The following COL28A1 variants were observed in gnomAD, a reference collection of about 807,000 sequenced individuals.
COL28A1 encodes the protein collagen alpha-1(XXVIII) chain.
COL28A1 carries 161 observed loss-of-function variants against 150.2 expected under a neutral mutation model. That is an observed-to-expected ratio of 1.07 (90% CI 0.94 to 1.22). COL28A1 has a LOEUF of 1.22. COL28A1 is among the 50% of genes most tolerant of loss of function. COL28A1 has a pLI of 0.00. For synonymous variants in COL28A1, 552 were observed against 469.7 expected, an observed-to-expected ratio of 1.18 and a Z score of -2.26; for missense variants, 1,617 against 1,388.3, an observed-to-expected ratio of 1.16 and a Z score of -2.62.
chr7:7,376,867 C>T (rs951200897), intron 30 of COL28A1, among the ~76,000 whole-genome samples: 1 of 152,168 alleles, frequency 6.6e-6, no homozygotes, highest in Non-Finnish European at 1.5e-5. Context: ...CACACTCTCA[C>T]ACTGTACTTT....
intron 33 of COL28A1, among the ~76,000 whole-genome samples, chr7:7,362,863 CTTTTT>C (rs1286741357): frequency 2.0e-5 from 3 of 151,954 alleles, no homozygotes. Flanking sequence ...CCCTTATTTT[CTTTTT>C]TATTTTTTAT....
Position 7,524,255 on chromosome 7 carries a change from A to AG in COL28A1, c.682-7dup. Reference sequence around the variant, plus strand: ...TTCTTTTCAAATAAGATATCCTACAAGGGAAAAAAGAATGAAGCATTAACT... The same window carrying AG: ...TTCTTTTCAAATAAGATATCCTACAAGGGGAAAAAAGAATGAAGCATTAACT... On this transcript the variant is annotated splice_polypyrimidine_tract_variant and splice_region_variant and intron_variant, in intron 3 of 34. Transcript: ENST00000399429. 7.4e-7 allele frequency: 1 copy of AG among 1,345,206 alleles called. No individual in the cohort carries two copies. Among genetic ancestry groups the AG allele is most frequent in the Non-Finnish European group, 1.1e-6 (1 of 935,118 alleles). The allele number at this position is 1,345,206 out of a possible 1,614,324, so 83.3% of individuals were successfully genotyped here. A position where few individuals can be genotyped will look rare whatever the true frequency, so the allele number is the denominator to read the frequency against.
intron 11 of COL28A1, among the ~76,000 whole-genome samples, chr7:7,493,789 C>T (rs1780053920): frequency 6.6e-6 from 1 of 151,930 alleles, no homozygotes; most frequent in Admixed American, 6.6e-5. Flanking sequence ...GTCAGAATAG[C>T]CCTGGTAAGA....
intron 15 of COL28A1, among the ~76,000 whole-genome samples, chr7:7,474,153 GAT>G (rs924923836): frequency 6.6e-6 from 1 of 150,882 alleles, no homozygotes; most frequent in African/African-American, 2.4e-5. Flanking sequence ...ACCTGAATGA[GAT>G]TGGAGACTAT....
At chr7:7,540,162 T>C (rs770546116), upstream of COL28A1, among the ~76,000 whole-genome samples, 9 of 152,216 alleles carry the variant, frequency 5.9e-5, no homozygotes, top group Non-Finnish European at 8.8e-5. Flanking sequence ...GGTTTGAATG[T>C]TCAATATTTT....
intron 27 of COL28A1, among the ~76,000 whole-genome samples, chr7:7,405,026 T>C (rs990821772): frequency 1.3e-4 from 20 of 152,130 alleles, no homozygotes; most frequent in Non-Finnish European, 2.5e-4. Context: ...TGGGACTACA[T>C]GCATGTGCTA....
Position 7,531,692 on chromosome 7 carries a change from C to G in COL28A1, c.337G>C (p.Asp113His). The G allele has an allele frequency of 6.3e-7, 1 of 1,593,322 alleles. No individual in the cohort carries two copies. ...ACCTTCTGCTTAAATGTCTGCAGGTCCTTCCAGGAAGAAAAAGGTGGATCA... is the reference window on the plus strand; with the variant it reads ...ACCTTCTGCTTAAATGTCTGCAGGTGCTTCCAGGAAGAAAAAGGTGGATCA... The part of the protein sequence containing the change: ...QIDPPFSSWK[D>H]LQTFKQKVKS... Residue 113 changes from aspartate to histidine, a missense_variant, in exon 3 of 35, where the codon GAC becomes CAC. Physicochemically the swap from Asp to His is moderately conservative, Grantham distance 81. Transcript: ENST00000399429.
At chr7:7,499,170 T>C (rs1242104053) in intron 11 of COL28A1, among the ~76,000 whole-genome samples, 1 of 152,184 alleles carries the variant, frequency 6.6e-6, no homozygotes, top group African/African-American at 2.4e-5. Flanking sequence ...ATTCTTTCCC[T>C]TTAATTAGGC....
In COL28A1 at chr7:7,531,453, C is replaced by A. The variant is rs759188173; in HGVS notation, c.576G>T (p.Thr192=). Residue 192 remains threonine (T), a synonymous_variant, in exon 3 of 35, where the codon ACG becomes ACT. Coordinates refer to ENST00000399429, the MANE Select transcript of COL28A1 (RefSeq NM_001037763.3). ...GISFITIALS[T]VVNEAKLRLI... is the part of the protein sequence containing the mutation. Reference sequence around the variant, plus strand: ...AACGAAGTTTGGCTTCATTGACTACCGTAGAAAGTGCAATGGTGATAAATG... The same window carrying A: ...AACGAAGTTTGGCTTCATTGACTACAGTAGAAAGTGCAATGGTGATAAATG... The A allele has an allele frequency of 7.5e-6, 12 of 1,595,852 alleles. No homozygotes were observed. Among genetic ancestry groups the A allele is most frequent in the Non-Finnish European group, 1.0e-5 (12 of 1,163,588 alleles).
At chr7:7,414,629 T>A (rs1783968118) in intron 27 of COL28A1, among the ~76,000 whole-genome samples, 1 of 152,136 alleles carries the variant, frequency 6.6e-6, no homozygotes, top group Non-Finnish European at 1.5e-5. Flanking sequence ...TCCCAGAAGA[T>A]CATACTCTTC....
intron 8 of COL28A1, among the ~76,000 whole-genome samples, chr7:7,513,354 G>C (rs534989445): frequency 2.0e-5 from 3 of 152,166 alleles, no homozygotes; most frequent in Non-Finnish European, 2.9e-5. Context: ...ACCTGTAGCT[G>C]AACAAGGCAC....
the COL28A1 span, among the ~76,000 whole-genome samples, chr7:7,543,651 C>T: frequency 8.6e-4 from 130 of 151,936 alleles, no homozygotes; most frequent in African/African-American, 3.0e-3. Context: ...CATATAGTTG[C>T]CATGGATGCA....
intron 14 of COL28A1, among the ~76,000 whole-genome samples, chr7:7,475,625 T>A (rs576498898): frequency 6.6e-6 from 1 of 152,362 alleles, no homozygotes; most frequent in African/African-American, 2.4e-5. Flanking sequence ...AATATTCTTC[T>A]TAATGTTTCA....
chr7:7,373,561 T>G lies in COL28A1; in HGVS notation c.2360-15A>C. On this transcript the variant is annotated splice_polypyrimidine_tract_variant and intron_variant, in intron 31 of 34. Coordinates refer to ENST00000399429, the MANE Select transcript of COL28A1 (RefSeq NM_001037763.3). This position sits in a 1 kb window ranked among gnomAD's most constrained non-coding sequence, Gnocchi z 4.1. ...GGGCCCACAACCTAAAAGATGAATG[T>G]TGAGAGAGAAAAATTGTGGGAATGA... The G allele has an allele frequency of 1.3e-6, 2 of 1,594,828 alleles. No individual in the cohort carries two copies. Among genetic ancestry groups the G allele is most frequent in the African/African-American group, 1.3e-5 (1 of 74,420 alleles).
At chr7:7,451,049 A>G (rs1236455603) in intron 18 of COL28A1, among the ~76,000 whole-genome samples, 2 of 152,094 alleles carry the variant, frequency 1.3e-5, no homozygotes, top group African/African-American at 2.4e-5. Flanking sequence ...ATGTGTGAGG[A>G]GAGAAGGGAG....
intron 14 of COL28A1, among the ~76,000 whole-genome samples, chr7:7,476,566 A>G (rs1006404259): frequency 1.3e-5 from 2 of 152,240 alleles, no homozygotes; most frequent in Admixed American, 6.5e-5. Context: ...GCCCCTTTAC[A>G]GAAAAAGTTT....
chr7:7,495,360 T>G (rs761750295), intron 11 of COL28A1, among the ~76,000 whole-genome samples: 38 of 152,176 alleles, frequency 2.5e-4, no homozygotes, highest in Non-Finnish European at 4.7e-4. Context: ...TTTAGAGTGA[T>G]TAATGAGGTT....
intron 19 of COL28A1, 48 bp from the exon 20 acceptor site, chr7:7,443,701 C>G: frequency 1.9e-6 from 3 of 1,608,620 alleles, no homozygotes; most frequent in Non-Finnish European, 2.5e-6. Context: ...AGTAGACAGA[C>G]TGTACGTATC....
chr7:7,511,788 G>C, intron 8 of COL28A1: 1 of 471,028 alleles, frequency 2.1e-6, no homozygotes, highest in South Asian at 1.5e-5. Flanking sequence ...TTGGCAGCAA[G>C]CATGCTACAT....
Sources: allele counts gnomAD v4.1 joint callset (sites outside exome capture counted in the v4.1 genomes callset), GRCh38; gene constraint gnomAD v4.1.1; non-coding constraint Gnocchi (gnomAD v3.1); transcripts MANE v1.5; gene names NCBI Gene and HGNC (gene_info 2026-07-23, HGNC 2026-07-21).